MYCBP2: variants seen among roughly 807,000 people sequenced by gnomAD.
MYCBP2 encodes MYC binding protein 2.
Under a neutral mutation model 525.3 loss-of-function variants are expected in MYCBP2, and 120 were observed. That is an observed-to-expected ratio of 0.23 (90% CI 0.20 to 0.27). The LOEUF is 0.27. MYCBP2 is among the 10% of genes least tolerant of loss of function. The pLI is 1.00. For synonymous variants in MYCBP2, 1,894 were observed against 1,955.8 expected (o/e 0.97, Z 0.83); for missense variants, 4,149 against 5,657.1 (o/e 0.73, Z 8.55).
chr13:77,093,348 C>T lies in MYCBP2; in HGVS notation c.10200-16G>A, dbSNP rs768628253. 3.7e-6 allele frequency: 6 copies of T among 1,610,632 alleles called. No homozygotes were observed. In the South Asian group the frequency reaches 6.6e-5, roughly 18 times the overall value. The stretch of plus-strand genomic sequence containing the variant: ...ATGATGATGCCTGCATTAAATCAAA[C>T]CCAATAACTTAAAGCATGATGGCAA... On this transcript the variant is annotated splice_polypyrimidine_tract_variant and intron_variant, in intron 58 of 82. Coordinates refer to ENST00000544440, the MANE Select transcript of MYCBP2 (RefSeq NM_015057.5).
Position 77,150,947 on chromosome 13 carries a change from C to T in MYCBP2, c.6918G>A (p.Val2306=), listed in dbSNP as rs2154193691. The T allele has an allele frequency of 1.9e-6, 3 of 1,613,004 alleles. No homozygotes were observed. The East Asian group carries it at 6.7e-5, about 36-fold the overall frequency. The change falls in exon 47 of 83, where the codon GTG becomes GTA. Residue 2306 remains valine (V), a splice_region_variant and synonymous_variant. Transcript: ENST00000544440. ...GAGAAACAGGGACAGCTTTCACTTC[C>T]ACCTAAACATGGTATTATAGAAACC... The part of the protein sequence containing the change: ...GDVVHVPNMK[V]EVKAVPVSQK...
intron 14 of MYCBP2, among the ~76,000 whole-genome samples, chr13:77,256,008 T>A (rs1481299371): frequency 6.6e-6 from 1 of 152,046 alleles, no homozygotes; most frequent in African/African-American, 2.4e-5. Context: ...GTAGACATGC[T>A]ATTTACAACC....
At chr13:77,107,207 C>T (rs1363306892) in intron 55 of MYCBP2, among the ~76,000 whole-genome samples, 1 of 152,008 alleles carries the variant, frequency 6.6e-6, no homozygotes, top group East Asian at 1.9e-4. Context: ...CAGCAATAGG[C>T]TCCTACAAGA....
intron 26 of MYCBP2, among the ~76,000 whole-genome samples, chr13:77,198,082 T>G (rs959993311): frequency 6.6e-6 from 1 of 152,196 alleles, no homozygotes; most frequent in African/African-American, 2.4e-5. Context: ...CATTGTCAAA[T>G]AGAACTACAT....
chr13:77,175,763 C>G (rs1466240118), intron 36 of MYCBP2, among the ~76,000 whole-genome samples: 4 of 151,990 alleles, frequency 2.6e-5, no homozygotes, highest in African/African-American at 9.7e-5. Context: ...GAGTTCGAGA[C>G]CAGCCTGGTC....
chr13:77,190,883 A>C (rs2061233757), intron 28 of MYCBP2, among the ~76,000 whole-genome samples: 1 of 152,196 alleles, frequency 6.6e-6, no homozygotes, highest in Non-Finnish European at 1.5e-5. Context: ...CTTTGTTATG[A>C]ATTGACCTGC....
intron 55 of MYCBP2, among the ~76,000 whole-genome samples, chr13:77,121,022 T>C (rs1239573089): frequency 6.6e-6 from 1 of 152,128 alleles, no homozygotes; most frequent in Non-Finnish European, 1.5e-5. Context: ...AAGTTCTCTG[T>C]TTCTCATTAA....
chr13:77,088,998 G>A lies in MYCBP2; in HGVS notation c.10559C>T (p.Pro3520Leu), dbSNP rs1486443558. ...GGCTGAGATTAGCCGAGAAAGCTCA[G>A]GAGACGGATGTCTCAAAAGGGAAGA... ...VGSSLLRHPS[P>L]ELSRLISAHS... is the part of the protein sequence containing the mutation. Residue 3520 changes from proline to leucine, a missense_variant, in exon 61 of 83, where the codon CCT becomes CTT. Pro to Leu is a moderately conservative substitution (Grantham distance 98). Around this residue, in one of 21 missense-constraint regions of MYCBP2, gnomAD observed 509 missense variants for 789.4 expected, o/e 0.64. Transcript: ENST00000544440. 1 of 1,612,882 alleles carries A rather than the reference G, an allele frequency of 6.2e-7. No individual in the cohort carries two copies. Among genetic ancestry groups the A allele is most frequent in the South Asian group, 1.1e-5 (1 of 90,934 alleles).
intron 44 of MYCBP2, among the ~76,000 whole-genome samples, chr13:77,158,377 C>A (rs2057466215): frequency 6.6e-6 from 1 of 152,136 alleles, no homozygotes. Flanking sequence ...TCCTTCCATG[C>A]CAGTCCTCTA....
At chr13:77,253,405 G>GT (rs2071564063) in intron 14 of MYCBP2, among the ~76,000 whole-genome samples, 3 of 151,840 alleles carry the variant, frequency 2.0e-5, no homozygotes, top group Admixed American at 1.3e-4. Context: ...TAAAACTGTA[G>GT]TATCTATATA....
intron 73 of MYCBP2, among the ~76,000 whole-genome samples, chr13:77,063,250 C>G (rs983673553): frequency 1.3e-5 from 2 of 152,020 alleles, no homozygotes; most frequent in African/African-American, 4.8e-5. Context: ...TGTCTAAAAG[C>G]TTTAGAAAAC....
chr13:77,224,074 C>A (rs1360398378), intron 20 of MYCBP2, among the ~76,000 whole-genome samples: 2 of 152,314 alleles, frequency 1.3e-5, no homozygotes, highest in East Asian at 1.9e-4. Context: ...TCAAAACAGA[C>A]ATCAGGAATA....
At chr13:77,074,887 G>A (rs1306876367) in intron 68 of MYCBP2, among the ~76,000 whole-genome samples, 2 of 152,202 alleles carry the variant, frequency 1.3e-5, no homozygotes, top group Non-Finnish European at 2.9e-5. Flanking sequence ...AGGAACATGA[G>A]AGAAATTTGG....
intron 1 of MYCBP2, among the ~76,000 whole-genome samples, chr13:77,303,187 G>A (rs1000248298): frequency 6.6e-6 from 1 of 152,174 alleles, no homozygotes; most frequent in Non-Finnish European, 1.5e-5. Flanking sequence ...ACAAAAATTA[G>A]CCGGGCGTGG....
At chr13:77,251,888 A>C (rs540617985) in intron 14 of MYCBP2, among the ~76,000 whole-genome samples, 257 of 152,248 alleles carry the variant, frequency 1.7e-3, no homozygotes, top group Middle Eastern at 6.8e-3. Context: ...TCTGCTCTCC[A>C]AACACCCTGT....
At chr13:77,136,131 T>C (rs975598258) in intron 52 of MYCBP2, among the ~76,000 whole-genome samples, 1 of 152,214 alleles carries the variant, frequency 6.6e-6, no homozygotes, top group Non-Finnish European at 1.5e-5. Context: ...TTTTTATCTT[T>C]AACTTTGTGA....
At chr13:77,241,939 A>G (rs1431737120) in intron 17 of MYCBP2, among the ~76,000 whole-genome samples, 4 of 152,238 alleles carry the variant, frequency 2.6e-5, no homozygotes, top group African/African-American at 4.8e-5. Flanking sequence ...AAAATATGCA[A>G]TATCAGTAAA....
intron 23 of MYCBP2, among the ~76,000 whole-genome samples, 184 bp downstream of exon 23, chr13:77,210,983 C>A (rs2063932223): frequency 6.6e-6 from 1 of 152,134 alleles, no homozygotes; most frequent in Non-Finnish European, 1.5e-5. Context: ...GCTTAAAATG[C>A]ATGCTCTTAA....
chr13:77,238,916 T>C (rs190666334), intron 17 of MYCBP2, among the ~76,000 whole-genome samples: 1 of 152,110 alleles, frequency 6.6e-6, no homozygotes, highest in East Asian at 1.9e-4. Context: ...AGGTCAGAAG[T>C]TTGAGACCAG....
Sources: gnomAD v4.1 joint callset for allele counts (sites outside exome capture counted in the v4.1 genomes callset) on GRCh38, gnomAD v4.1.1 for gene constraint, gnomAD v4.1.1 regional missense constraint, MANE v1.5 for transcripts, NCBI Gene and HGNC (gene_info 2026-07-23, HGNC 2026-07-21) for gene names.